The following CDK14 variants were observed in gnomAD, a reference collection of about 807,000 sequenced individuals.
CDK14 encodes the protein cyclin dependent kinase 14, also known as cyclin-dependent kinase 14.
CDK14 carries 34 observed loss-of-function variants against 60.7 expected under a neutral mutation model. The observed-to-expected ratio is 0.56, with a 90% CI of 0.43 to 0.75. CDK14 has a LOEUF of 0.75. Among genes scored for constraint, CDK14 ranks in the 30% least tolerant of loss-of-function variants. The pLI is 0.00. For synonymous variants in CDK14, 197 were observed against 203.7 expected, an observed-to-expected ratio of 0.97 and a Z score of 0.28; for missense variants, 482 against 564.1, an observed-to-expected ratio of 0.85 and a Z score of 1.47.
rs866620401 is a variant in CDK14, at chr7:91,174,059, A to C, written c.*29-33106A>C. Among the ~76,000 whole-genome samples the C allele has an allele frequency of 6.6e-3, 998 of 152,150 alleles. 13 individuals are homozygous for C. Among genetic ancestry groups the C allele is most frequent in the African/African-American group, 0.021 (855 of 41,480 alleles). Reference sequence around the variant, plus strand: ...CCTCCGCAGACTTAAATGTCCCTGTATGACAGCTTTGAAGAGAGCAGTGGT... The same window carrying C: ...CCTCCGCAGACTTAAATGTCCCTGTCTGACAGCTTTGAAGAGAGCAGTGGT... On this transcript the variant is annotated intron_variant, in intron 14 of 14. Transcript: ENST00000380050.
chr7:91,168,513 A>T (rs572223239), intron 14 of CDK14, among the ~76,000 whole-genome samples: 1 of 152,314 alleles, frequency 6.6e-6, no homozygotes, highest in Admixed American at 6.5e-5. Context: ...GCCAGGCATG[A>T]TGCTATTCAC....
intron 5 of CDK14, among the ~76,000 whole-genome samples, chr7:90,796,115 G>A (rs1002908806): frequency 6.6e-6 from 1 of 152,162 alleles, no homozygotes; most frequent in African/African-American, 2.4e-5. Flanking sequence ...TAAGCCTTGA[G>A]ATGAGCTTAG....
intron 2 of CDK14, among the ~76,000 whole-genome samples, chr7:90,689,994 C>T (rs901605684): frequency 6.6e-6 from 1 of 151,966 alleles, no homozygotes; most frequent in Non-Finnish European, 1.5e-5. Context: ...ACTTACATTA[C>T]GAAGACTAAC....
intron 2 of CDK14, among the ~76,000 whole-genome samples, chr7:90,717,511 C>T (rs1201722249): frequency 2.0e-5 from 3 of 152,094 alleles, no homozygotes; most frequent in African/African-American, 7.2e-5. Flanking sequence ...TCAGCAGTGT[C>T]CACTAGCTGA....
intron 8 of CDK14, among the ~76,000 whole-genome samples, chr7:90,920,634 T>C (rs1294221409): frequency 1.3e-5 from 2 of 152,230 alleles, no homozygotes; most frequent in East Asian, 1.9e-4. Context: ...TATTTATACA[T>C]ATAGATATTT....
intron 3 of CDK14, among the ~76,000 whole-genome samples, chr7:90,730,935 G>A (rs113108186): frequency 0.33 from 50,100 of 151,614 alleles, 8,581 homozygotes; most frequent in Middle Eastern, 0.4. Flanking sequence ...GCCCATGCCT[G>A]TGTCCTGAAT....
chr7:90,640,394 A>G (rs566963943), intron 2 of CDK14, among the ~76,000 whole-genome samples: 1 of 152,270 alleles, frequency 6.6e-6, no homozygotes, highest in Non-Finnish European at 1.5e-5. Context: ...AATCATAGCC[A>G]TTTAAAAATT....
At chr7:90,819,308 T>C (rs1384880688) in intron 5 of CDK14, among the ~76,000 whole-genome samples, 4 of 152,194 alleles carry the variant, frequency 2.6e-5, no homozygotes, top group Admixed American at 2.0e-4. Flanking sequence ...TTGTTATGCA[T>C]ATGTGATCCA....
chr7:90,943,092 T>A (rs958843523), intron 8 of CDK14, among the ~76,000 whole-genome samples: 3 of 152,198 alleles, frequency 2.0e-5, no homozygotes, highest in Non-Finnish European at 1.5e-5. Flanking sequence ...GATATTTCTG[T>A]GGTTGAGCTC....
chr7:91,008,171 G>A (rs1394619765), intron 10 of CDK14, among the ~76,000 whole-genome samples: 1 of 149,910 alleles, frequency 6.7e-6, no homozygotes, highest in Non-Finnish European at 1.5e-5. Context: ...AGTGGATGGT[G>A]GAGGCAGCAT....
intron 5 of CDK14, among the ~76,000 whole-genome samples, chr7:90,861,483 A>G (rs1791008167): frequency 6.6e-6 from 1 of 152,196 alleles, no homozygotes. Flanking sequence ...ATCACAAGCA[A>G]AATTATTCCA....
chr7:91,056,895 A>G (rs1797588572), intron 11 of CDK14, among the ~76,000 whole-genome samples: 1 of 152,166 alleles, frequency 6.6e-6, no homozygotes, highest in African/African-American at 2.4e-5. Context: ...TTATAGCAGC[A>G]TGATTTATAG....
intron 14 of CDK14, among the ~76,000 whole-genome samples, chr7:91,178,753 A>G (rs1445153801): frequency 2.6e-5 from 4 of 151,278 alleles, no homozygotes; most frequent in African/African-American, 9.7e-5. Flanking sequence ...CAAAACCACT[A>G]TTAGATACCA....
At chr7:90,808,372 A>C (rs965115572) in intron 5 of CDK14, among the ~76,000 whole-genome samples, 1 of 152,252 alleles carries the variant, frequency 6.6e-6, no homozygotes, top group African/African-American at 2.4e-5. Flanking sequence ...ACTAAGCTTC[A>C]TAAGTAAAGG....
chr7:91,080,543 G>A (rs974533158), intron 12 of CDK14, among the ~76,000 whole-genome samples: 1 of 152,192 alleles, frequency 6.6e-6, no homozygotes, highest in Admixed American at 6.5e-5. Context: ...CCCCTGGGAA[G>A]CATTCCCTCT....
rs112903211 is a variant in CDK14, at chr7:91,034,923, TACACAC to T, written c.1042-10964_1042-10959del. ...GTAAATAGATAAACTCACACCTGTG[TACACAC>T]ACACACACATACACATACACACACA... On this transcript the variant is annotated intron_variant, in intron 10 of 14. Transcript: ENST00000380050. Among the ~76,000 whole-genome samples the T allele has an allele frequency of 2.2e-5, 3 of 136,276 alleles. No individual in the cohort carries two copies. In the East Asian group the frequency reaches 6.9e-4, roughly 31 times the overall value. 89.4% of individuals were successfully genotyped at this position (136,276 alleles called of 152,430 possible).
intron 2 of CDK14, among the ~76,000 whole-genome samples, chr7:90,671,345 A>C (rs1425426133): frequency 6.6e-6 from 1 of 151,742 alleles, no homozygotes; most frequent in Non-Finnish European, 1.5e-5. Context: ...TCCCTTCTGC[A>C]ACCTTGATAA....
At chr7:90,947,624 A>AT (rs1794139247) in intron 8 of CDK14, among the ~76,000 whole-genome samples, 1 of 152,102 alleles carries the variant, frequency 6.6e-6, no homozygotes. Flanking sequence ...ACATCCACTG[A>AT]TTTTCATGAT....
At chr7:90,989,697 C>G (rs1795477678) in intron 10 of CDK14, among the ~76,000 whole-genome samples, 1 of 152,148 alleles carries the variant, frequency 6.6e-6, no homozygotes, top group African/African-American at 2.4e-5. Context: ...ATGTTGTGCT[C>G]TAATCCAAGG....
Sources: gnomAD v4.1 joint callset for allele counts (sites outside exome capture counted in the v4.1 genomes callset) on GRCh38, gnomAD v4.1.1 for gene constraint, MANE v1.5 for transcripts, NCBI Gene and HGNC (gene_info 2026-07-23, HGNC 2026-07-21) for gene names.